The following ERBB4 variants were observed in gnomAD, a reference collection of about 807,000 sequenced individuals.
ERBB4 encodes the protein erb-b2 receptor tyrosine kinase 4.
ERBB4 carries 42 observed loss-of-function variants against 158.0 expected under a neutral mutation model. The observed-to-expected ratio is 0.27, with a 90% CI of 0.21 to 0.34. The LOEUF is 0.34. ERBB4 is among the 10% of genes least tolerant of loss of function. The pLI, the probability that ERBB4 is intolerant of heterozygous loss-of-function variation, is 1.00. For missense variants in ERBB4, 1,333 were observed against 1,624.1 expected (o/e 0.82, Z 3.08); for synonymous variants, 583 against 558.7 (o/e 1.04, Z -0.61).
chr2:212,048,078 G>T (rs867082765), intron 2 of ERBB4, among the ~76,000 whole-genome samples: 1 of 152,106 alleles, frequency 6.6e-6, no homozygotes, highest in African/African-American at 2.4e-5. Flanking sequence ...TGTGAAGTCA[G>T]GGAAGAAAAA....
intron 3 of ERBB4, among the ~76,000 whole-genome samples, chr2:211,906,494 C>T (rs934262948): frequency 2.0e-5 from 3 of 151,706 alleles, no homozygotes; most frequent in Non-Finnish European, 4.4e-5. Context: ...TGTCAGAGTA[C>T]GATCTAAGTT....
intron 2 of ERBB4, among the ~76,000 whole-genome samples, chr2:212,070,734 AAC>A (rs34417009): frequency 0.62 from 94,041 of 151,628 alleles, 32,539 homozygotes; most frequent in East Asian, 0.92. Context: ...CAAACTATAA[AAC>A]ACAGAAAAAA....
At chr2:212,244,533 T>G (rs1179209767) in intron 1 of ERBB4, among the ~76,000 whole-genome samples, 1 of 152,170 alleles carries the variant, frequency 6.6e-6, no homozygotes, top group Non-Finnish European at 1.5e-5. Flanking sequence ...CATCTTAACC[T>G]GTTTATATTT....
chr2:211,862,785 T>C (rs1163352422), intron 3 of ERBB4, among the ~76,000 whole-genome samples: 2 of 152,184 alleles, frequency 1.3e-5, no homozygotes, highest in African/African-American at 4.8e-5. Context: ...GATAATACCA[T>C]AAAAGGAATT....
intron 1 of ERBB4, among the ~76,000 whole-genome samples, chr2:212,316,027 G>GA (rs879677701): frequency 4.0e-5 from 6 of 150,780 alleles, no homozygotes; most frequent in East Asian, 3.9e-4. Context: ...ACAGACAAAT[G>GA]AAAAAAAAGA....
chr2:212,266,554 C>G (rs921518670), intron 1 of ERBB4, among the ~76,000 whole-genome samples: 2 of 151,874 alleles, frequency 1.3e-5, no homozygotes, highest in Admixed American at 6.6e-5. Context: ...ACTACTGCTG[C>G]TAAGAAGAAT....
At chr2:211,866,975 C>CCTTCCTT (rs985789961) in intron 3 of ERBB4, among the ~76,000 whole-genome samples, 10 of 146,634 alleles carry the variant, frequency 6.8e-5, no homozygotes, top group South Asian at 4.3e-4. Flanking sequence ...CTGTCTTCTC[C>CCTTCCTT]CTTCCTTCTT....
At chr2:212,328,180 T>C (rs562127019) in intron 1 of ERBB4, among the ~76,000 whole-genome samples, 2 of 152,102 alleles carry the variant, frequency 1.3e-5, no homozygotes, top group Middle Eastern at 3.4e-3. Flanking sequence ...GTTTGGAACC[T>C]GGGCTCTGAG....
chr2:211,671,324 G>A (rs114397352), intron 14 of ERBB4, among the ~76,000 whole-genome samples: 36 of 152,086 alleles, frequency 2.4e-4, no homozygotes, highest in African/African-American at 8.7e-4. Context: ...TACTCATGAA[G>A]CCTGGCACAA....
intron 4 of ERBB4, among the ~76,000 whole-genome samples, chr2:211,755,614 T>C (rs1375175800): frequency 6.6e-6 from 1 of 152,234 alleles, no homozygotes; most frequent in East Asian, 1.9e-4. Flanking sequence ...GCATTATTCA[T>C]CATGGAAGCT....
At chr2:211,997,394 C>G (rs1318426083) in intron 2 of ERBB4, among the ~76,000 whole-genome samples, 2 of 151,750 alleles carry the variant, frequency 1.3e-5, no homozygotes, top group African/African-American at 4.8e-5. Context: ...AGCAAGAAAC[C>G]TATCCAAATA....
intron 3 of ERBB4, among the ~76,000 whole-genome samples, chr2:211,916,282 T>G (rs572312390): frequency 8.2e-4 from 124 of 152,112 alleles, no homozygotes; most frequent in Non-Finnish European, 6.8e-4. Flanking sequence ...CGGGTTCAAG[T>G]GATTCTCCTT....
At chr2:212,133,071 C>G (rs947200569) in intron 1 of ERBB4, among the ~76,000 whole-genome samples, 2 of 152,062 alleles carry the variant, frequency 1.3e-5, no homozygotes, top group Non-Finnish European at 2.9e-5. Context: ...CATGTTTGCT[C>G]TTTTTGATAT....
At chr2:211,652,946 T>G (rs915575216) in intron 16 of ERBB4, among the ~76,000 whole-genome samples, 4 of 152,038 alleles carry the variant, frequency 2.6e-5, no homozygotes, top group African/African-American at 9.7e-5. Flanking sequence ...AATAGGAGAC[T>G]GAGATTAAAA....
chr2:211,418,902 G>T (rs2063453261), intron 25 of ERBB4, among the ~76,000 whole-genome samples: 1 of 151,928 alleles, frequency 6.6e-6, no homozygotes, highest in Non-Finnish European at 1.5e-5. Context: ...TCCCCATTGG[G>T]CATGTGATAA....
At chr2:212,147,157 A>ATTTTTTTTTTTTTTTTTT (rs71397161) in intron 1 of ERBB4, among the ~76,000 whole-genome samples, 1 of 34,260 alleles carries the variant, frequency 2.9e-5, no homozygotes, top group African/African-American at 1.3e-4. Context: ...TGCCCAGCTA[A>ATTTTTTTTTTTTTTTTTT]TTTTTTTTTT....
chr2:211,497,110 C>T (rs2065488172), intron 20 of ERBB4, among the ~76,000 whole-genome samples: 1 of 152,048 alleles, frequency 6.6e-6, no homozygotes, highest in Non-Finnish European at 1.5e-5. Context: ...CAGAATTAGA[C>T]TTATTACTTA....
In ERBB4 at chr2:211,472,581, A is replaced by G. The variant is rs1057403590; in HGVS notation, c.2488-41481T>C. ...CACCTTCAAATGTGCATTATCCCAC[A>G]GCATAATATTAAAACTCCTCACGAC... On this transcript the variant is annotated intron_variant, in intron 20 of 27. Transcript: ENST00000342788. Among the ~76,000 whole-genome samples the G allele has an allele frequency of 4.0e-5, 6 of 151,670 alleles. No homozygotes were observed. The South Asian group carries it at 1.2e-3, about 31-fold the overall frequency.
intron 1 of ERBB4, among the ~76,000 whole-genome samples, chr2:212,522,137 T>C (rs187031828): frequency 6.6e-6 from 1 of 152,122 alleles, no homozygotes; most frequent in Non-Finnish European, 1.5e-5. Context: ...TATGTGAATT[T>C]AATAGGAGCC....
Sources: allele counts gnomAD v4.1 joint callset (sites outside exome capture counted in the v4.1 genomes callset), GRCh38; gene constraint gnomAD v4.1.1; transcripts MANE v1.5; gene names NCBI Gene and HGNC (gene_info 2026-07-23, HGNC 2026-07-21).